CHRNA7: variants seen among roughly 807,000 people sequenced by gnomAD.
CHRNA7 encodes the protein neuronal acetylcholine receptor subunit alpha-7.
In CHRNA7, 17 loss-of-function variants were observed where a neutral mutation model predicts 48.0. The observed-to-expected ratio is 0.35, with a 90% CI of 0.24 to 0.53. The LOEUF is 0.53. CHRNA7 is among the 20% of genes least tolerant of loss of function. The pLI is 0.92. For missense variants in CHRNA7, 155 were observed against 577.7 expected (o/e 0.27, Z 7.50); for synonymous variants, 75 against 242.3 (o/e 0.31, Z 6.41).
At chr15:32,140,901 G>A (rs929140110) in intron 4 of CHRNA7, among the ~76,000 whole-genome samples, 7 of 152,100 alleles carry the variant, frequency 4.6e-5, no homozygotes, top group African/African-American at 1.4e-4. Context: ...GGTTTCTTTT[G>A]CTGTGCAGAA....
chr15:32,059,479 T>G (rs1378729324), intron 2 of CHRNA7, among the ~76,000 whole-genome samples: 1 of 152,168 alleles, frequency 6.6e-6, no homozygotes, highest in Non-Finnish European at 1.5e-5. Context: ...TTGTTTTGCT[T>G]TGGTCACTGT....
intron 4 of CHRNA7, among the ~76,000 whole-genome samples, chr15:32,136,925 G>A (rs1488357251): frequency 2.0e-5 from 3 of 149,378 alleles, no homozygotes; most frequent in Non-Finnish European, 4.4e-5. Flanking sequence ...CCAGCTACTT[G>A]GGAGGCTGAG....
intron 2 of CHRNA7, among the ~76,000 whole-genome samples, chr15:32,060,106 C>T (rs116109544): frequency 0.013 from 1,976 of 152,098 alleles, 35 homozygotes; most frequent in African/African-American, 0.046. Flanking sequence ...ATAATAAATC[C>T]AAGCAGTTAG....
intron 2 of CHRNA7, among the ~76,000 whole-genome samples, chr15:32,041,796 T>C (rs188033724): frequency 6.6e-6 from 1 of 152,352 alleles, no homozygotes; most frequent in Non-Finnish European, 1.5e-5. Flanking sequence ...AGTAAGCCTA[T>C]CAAATATATT....
chr15:32,105,648 GAGA>G (rs1435968079), intron 3 of CHRNA7, among the ~76,000 whole-genome samples: 1 of 152,208 alleles, frequency 6.6e-6, no homozygotes, highest in Non-Finnish European at 1.5e-5. Flanking sequence ...AGAAATGGGA[GAGA>G]AGGAGAGGCA....
chr15:32,083,577 T>A (rs138719121), intron 2 of CHRNA7, among the ~76,000 whole-genome samples: 1 of 152,248 alleles, frequency 6.6e-6, no homozygotes, highest in African/African-American at 2.4e-5. Context: ...AGGGATGAGA[T>A]AAGGAGGGTG....
rs34200550 is a variant in CHRNA7 at position 32,059,944 on chromosome 15, C to CAAAAAAAAAAAAA, written c.195+28925_195+28937dup. On this transcript the variant is annotated intron_variant, in intron 2 of 9. Transcript: ENST00000306901. ...ATCTCTGAAACGCCAAGTAGAAAAG[C>CAAAAAAAAAAAAA]AAAAAAAAAAAAAAAAAAAAAAAAA... 7.3e-4 allele frequency among the ~76,000 whole-genome samples: 24 copies of CAAAAAAAAAAAAA among 33,054 alleles called. 1 individual carries two copies. Among genetic ancestry groups the CAAAAAAAAAAAAA allele is most frequent in the Admixed American group, 1.9e-3 (3 of 1,568 alleles). The allele number at this position is 33,054 out of a possible 152,430, so 21.7% of individuals were successfully genotyped here. A position where few individuals can be genotyped will look rare whatever the true frequency, so the allele number is the denominator to read the frequency against.
intron 3 of CHRNA7, among the ~76,000 whole-genome samples, chr15:32,109,987 T>A (rs538111365): frequency 1.1e-4 from 16 of 152,314 alleles, no homozygotes; most frequent in African/African-American, 3.6e-4. Context: ...TGGCCATCAT[T>A]CAGCAGGCAG....
At chr15:32,151,663 A>C (rs752962169) in intron 4 of CHRNA7, among the ~76,000 whole-genome samples, 1 of 152,210 alleles carries the variant, frequency 6.6e-6, no homozygotes, top group Non-Finnish European at 1.5e-5. Flanking sequence ...ACTCATAAAA[A>C]GTTATTTCAT....
At chr15:32,086,492 T>G (rs986508752) in intron 2 of CHRNA7, among the ~76,000 whole-genome samples, 1 of 152,220 alleles carries the variant, frequency 6.6e-6, no homozygotes, top group Non-Finnish European at 1.5e-5. Context: ...GTTTCCCCTG[T>G]GAGTATCCTC....
At chr15:32,142,826 T>C (rs567381354) in intron 4 of CHRNA7, among the ~76,000 whole-genome samples, 2 of 152,308 alleles carry the variant, frequency 1.3e-5, no homozygotes, top group East Asian at 3.9e-4. Flanking sequence ...TTTATTAGTC[T>C]TGCTAGCGGT....
rs537581208 is a variant in CHRNA7, at chr15:32,108,957, G to T, written c.241-2833G>T. 9.9e-5 allele frequency among the ~76,000 whole-genome samples: 15 copies of T among 152,254 alleles called. No individual in the cohort carries two copies. The East Asian group carries it at 2.5e-3, about 25-fold the overall frequency. The stretch of plus-strand genomic sequence containing the variant: ...TGCAAACCCAGGTCTGTCTGATGCG[G>T]ATGCTTTTGGCAGCTCCCCCTACCT... On this transcript the variant is annotated intron_variant, in intron 3 of 9. Transcript: ENST00000306901.
Position 32,054,545 on chromosome 15 carries a change from G to C in CHRNA7, c.195+23508G>C, listed in dbSNP as rs144078330. Among the ~76,000 whole-genome samples, 201 of 152,308 alleles carry C rather than the reference G, an allele frequency of 1.3e-3. 1 individual carries two copies. The highest frequency in any genetic ancestry group is 2.5e-3 in the Non-Finnish European group (168 of 68,032). ...GTTACCACAAAGTGAACCCCGTTAA[G>C]CTGTCACCACCCAATACAGACCTTC... On this transcript the variant is annotated intron_variant, in intron 2 of 9. Coordinates refer to ENST00000306901, the MANE Select transcript of CHRNA7 (RefSeq NM_000746.6).
intron 4 of CHRNA7, among the ~76,000 whole-genome samples, chr15:32,137,596 A>G (rs535771368): frequency 5.4e-4 from 82 of 152,256 alleles, no homozygotes; most frequent in Non-Finnish European, 1.1e-3. Context: ...GGAGTTTTGA[A>G]CAACACAGTT....
intron 2 of CHRNA7, among the ~76,000 whole-genome samples, chr15:32,049,570 A>G (rs1054896326): frequency 6.6e-6 from 1 of 152,322 alleles, no homozygotes; most frequent in African/African-American, 2.4e-5. Flanking sequence ...TCCTGAATAC[A>G]GCACACTGAT....
Position 32,093,044 on chromosome 15 carries a change from A to G in CHRNA7, c.196-8259A>G, listed in dbSNP as rs376132540. Among the ~76,000 whole-genome samples the G allele has an allele frequency of 5.9e-5, 9 of 152,356 alleles. 1 individual carries two copies. The East Asian group carries it at 1.5e-3, about 26-fold the overall frequency. ...GAGAGATACAACTTGTAAACACTCA[A>G]GGAAATTCCTGAAAACTGATTCAGT... On this transcript the variant is annotated intron_variant, in intron 2 of 9. Transcript: ENST00000306901.
intron 4 of CHRNA7, among the ~76,000 whole-genome samples, chr15:32,127,955 T>G (rs2051096375): frequency 6.6e-6 from 1 of 152,084 alleles, no homozygotes; most frequent in Non-Finnish European, 1.5e-5. Flanking sequence ...GTCTTACATT[T>G]AAGTCTGTTC....
chr15:32,166,469 G>C (rs530889773), intron 9 of CHRNA7: 1 of 152,466 alleles, frequency 6.6e-6, no homozygotes, highest in Non-Finnish European at 1.5e-5. Context: ...AATGAAACTG[G>C]TCTTGTGCTT....
At position 32,030,575 on chromosome 15, in the gene CHRNA7, C is replaced by G; in HGVS notation, c.-20C>G. 1 of 1,499,018 alleles carries G rather than the reference C, an allele frequency of 6.7e-7. No individual in the cohort carries two copies. The highest frequency in any genetic ancestry group is 8.8e-7 in the Non-Finnish European group (1 of 1,131,382). 92.9% of individuals were successfully genotyped at this position (1,499,018 alleles called of 1,614,324 possible). On this transcript the variant is annotated 5_prime_UTR_variant, in exon 1 of 10. Transcript: ENST00000306901. ...CCGAGACGTGGAGCGCGCCGGCTCG[C>G]TGCAGCTCCGGGACTCAACATGCGC...
Sources: gnomAD v4.1 joint callset for allele counts (sites outside exome capture counted in the v4.1 genomes callset) on GRCh38, gnomAD v4.1.1 for gene constraint, MANE v1.5 for transcripts, NCBI Gene and HGNC (gene_info 2026-07-23, HGNC 2026-07-21) for gene names.